The following CDH4 variants were observed in gnomAD, a reference collection of about 807,000 sequenced individuals.
CDH4 encodes the protein cadherin 4.
CDH4 carries 33 observed loss-of-function variants against 86.0 expected under a neutral mutation model. The observed-to-expected ratio is 0.38, with a 90% CI of 0.29 to 0.51. The LOEUF is 0.51. Ranked by LOEUF, CDH4 falls within the 20% of genes least tolerant of loss-of-function variation. The pLI is 0.86. For synonymous variants in CDH4, 555 were observed against 549.4 expected, an observed-to-expected ratio of 1.01 and a Z score of -0.14; for missense variants, 1,114 against 1,307.4, an observed-to-expected ratio of 0.85 and a Z score of 2.28.
intron 2 of CDH4, among the ~76,000 whole-genome samples, chr20:61,490,291 G>A (rs1235453311): frequency 6.6e-6 from 1 of 152,200 alleles, no homozygotes; most frequent in Non-Finnish European, 1.5e-5. Context: ...GCCTGCTAGG[G>A]TGTGCAGCCA....
chr20:61,521,394 G>C (rs1336957367), intron 2 of CDH4, among the ~76,000 whole-genome samples: 1 of 152,176 alleles, frequency 6.6e-6, no homozygotes, highest in East Asian at 1.9e-4. Context: ...GAGTTTGTAG[G>C]GATCGTAAGA....
intron 2 of CDH4, among the ~76,000 whole-genome samples, chr20:61,281,199 C>T (rs1568779846): frequency 6.6e-6 from 1 of 152,112 alleles, no homozygotes; most frequent in African/African-American, 2.4e-5. Flanking sequence ...CACCAAGGGC[C>T]GTGGTCTCAA....
intron 2 of CDH4, among the ~76,000 whole-genome samples, chr20:61,469,303 A>G (rs1221118647): frequency 6.6e-6 from 1 of 152,194 alleles, no homozygotes; most frequent in Non-Finnish European, 1.5e-5. Context: ...CATTTCTGTG[A>G]TGAGCAGTGA....
intron 2 of CDH4, among the ~76,000 whole-genome samples, chr20:61,368,300 ACATTTG>A (rs2084821902): frequency 6.6e-6 from 1 of 152,184 alleles, no homozygotes; most frequent in African/African-American, 2.4e-5. Flanking sequence ...CCAAGGTGGG[ACATTTG>A]GGAAGTGATC....
chr20:61,759,975 C>A (rs1307641005), intron 3 of CDH4, among the ~76,000 whole-genome samples: 3 of 152,226 alleles, frequency 2.0e-5, no homozygotes, highest in Non-Finnish European at 4.4e-5. Context: ...ACCGAGGTCA[C>A]AAGCTCGGTA....
intron 2 of CDH4, among the ~76,000 whole-genome samples, chr20:61,621,386 C>T (rs575934819): frequency 1.9e-4 from 29 of 152,314 alleles, no homozygotes; most frequent in South Asian, 8.3e-4. Flanking sequence ...TCTATTGAAA[C>T]ATTTCAGTTA....
At chr20:61,665,807 G>A (rs2087317185) in intron 2 of CDH4, among the ~76,000 whole-genome samples, 1 of 152,218 alleles carries the variant, frequency 6.6e-6, no homozygotes, top group Non-Finnish European at 1.5e-5. Flanking sequence ...TGCATGCACA[G>A]CGTACACGGT....
Position 61,741,099 on chromosome 20 carries a change from C to T in CDH4, c.170-2464C>T, listed in dbSNP as rs2088326815. Among the ~76,000 whole-genome samples, 3 of 152,304 alleles carry T rather than the reference C, an allele frequency of 2.0e-5. No individual in the cohort carries two copies. The South Asian group carries it at 6.2e-4, about 32-fold the overall frequency. On this transcript the variant is annotated intron_variant, in intron 2 of 15. Transcript: ENST00000614565. ...TGGTGCACGCCTGTAGTCCCAGCTA[C>T]TTGGGAGGCTGAGGCAGAAGAATTA... is the stretch of plus-strand genomic sequence containing the variant.
intron 2 of CDH4, among the ~76,000 whole-genome samples, chr20:61,355,080 T>G (rs1291232928): frequency 6.6e-6 from 1 of 152,116 alleles, no homozygotes; most frequent in African/African-American, 2.4e-5. Context: ...ACTGTGGGAA[T>G]AAAATTCCTC....
In CDH4 at chr20:61,934,227, G is replaced by A. The variant is rs2055151329; in HGVS notation, c.2544+7G>A. ...CGGTGACTTCATCAATGAGGTGTGTGCCTCTCGGCAGTGGGGGGCCCGGGC... is the reference window on the plus strand; with the variant it reads ...CGGTGACTTCATCAATGAGGTGTGTACCTCTCGGCAGTGGGGGGCCCGGGC... On this transcript the variant is annotated splice_region_variant and intron_variant, in intron 15 of 15. Transcript: ENST00000614565. 1.3e-6 allele frequency: 2 copies of A among 1,530,786 alleles called. No homozygotes were observed. Among genetic ancestry groups the A allele is most frequent in the African/African-American group, 1.4e-5 (1 of 72,036 alleles). The allele number at this position is 1,530,786 out of a possible 1,614,324, so 94.8% of individuals were successfully genotyped here.
intron 2 of CDH4, among the ~76,000 whole-genome samples, chr20:61,398,990 A>T (rs1411675205): frequency 6.6e-6 from 1 of 152,144 alleles, no homozygotes; most frequent in African/African-American, 2.4e-5. Context: ...TTAAATGCTG[A>T]TGTGGGTTAA....
At chr20:61,920,978 C>T (rs1280231651) in intron 9 of CDH4, among the ~76,000 whole-genome samples, 4 of 130,522 alleles carry the variant, frequency 3.1e-5, no homozygotes, top group Non-Finnish European at 4.7e-5. Context: ...ATGGTGATTG[C>T]GTGGAAGTGT....
chr20:61,855,674 C>T (rs1351985449), intron 6 of CDH4, among the ~76,000 whole-genome samples: 2 of 152,238 alleles, frequency 1.3e-5, no homozygotes, highest in Admixed American at 6.5e-5. Context: ...TGGCTTTGCT[C>T]ATTAGGATAA....
intron 4 of CDH4, among the ~76,000 whole-genome samples, chr20:61,838,159 T>TGTCTCCCC (rs1312336955): frequency 6.6e-6 from 1 of 151,862 alleles, no homozygotes; most frequent in Non-Finnish European, 1.5e-5. Context: ...CCTGTCTGCC[T>TGTCTCCCC]GTCTGCCTGT....
At chr20:61,448,513 G>A (rs2085364303) in intron 2 of CDH4, among the ~76,000 whole-genome samples, 1 of 152,078 alleles carries the variant, frequency 6.6e-6, no homozygotes, top group South Asian at 2.1e-4. Flanking sequence ...CATTTGTGTT[G>A]GGGGTTTTGT....
In CDH4 at chr20:61,743,735, C is replaced by G. The variant is rs776377387; in HGVS notation, c.342C>G (p.Asp114Glu). 3 of 1,610,836 alleles carry G rather than the reference C, an allele frequency of 1.9e-6. No homozygotes were observed. In the Admixed American group the frequency reaches 5.0e-5, roughly 27 times the overall value. ...ACAGCCAGACAGCAGAGAAATGGGA[C>G]GCCGTGGTGCGGTTGCTGGTGGCCC... ...AWDSQTAEKW[D>E]AVVRLLVAQT... is the part of the protein sequence containing the mutation. Residue 114 changes from aspartate (D) to glutamate (E), a missense_variant, in exon 3 of 16, where the codon GAC becomes GAG. By Grantham distance (45) the Asp-to-Glu change is conservative. This residue lies in a region of CDH4 where 221 missense variants were observed against 209.5 expected (regional missense o/e 1.05). Transcript: ENST00000614565.
Position 61,681,623 on chromosome 20 carries a change from T to A in CDH4, c.170-61940T>A, listed in dbSNP as rs994390652. Reference sequence around the variant, plus strand: ...GCTGGGAGGAGTCTCAGGATCCCCCTGCAGGAAGCCCGGAATCCCTTCCAC... The same window carrying A: ...GCTGGGAGGAGTCTCAGGATCCCCCAGCAGGAAGCCCGGAATCCCTTCCAC... On this transcript the variant is annotated intron_variant, in intron 2 of 15. Transcript: ENST00000614565. The surrounding 1 kb of genome is among the most constrained non-coding windows in gnomAD (Gnocchi z 4.5). Among the ~76,000 whole-genome samples the A allele has an allele frequency of 4.6e-5, 7 of 152,156 alleles. No homozygotes were observed. The highest frequency in any genetic ancestry group is 9.7e-5 in the African/African-American group (4 of 41,436).
At chr20:61,416,824 T>G (rs2085149739) in intron 2 of CDH4, among the ~76,000 whole-genome samples, 1 of 152,244 alleles carries the variant, frequency 6.6e-6, no homozygotes. Flanking sequence ...AGTGTGATTT[T>G]AGGGCCTGCA....
chr20:61,524,705 G>A (rs1405880672), intron 2 of CDH4, among the ~76,000 whole-genome samples: 6 of 152,078 alleles, frequency 3.9e-5, no homozygotes, highest in Admixed American at 3.3e-4. Context: ...GGCTGGTCTC[G>A]AACTCCTGAG....
Sources: gnomAD v4.1 joint callset for allele counts (sites outside exome capture counted in the v4.1 genomes callset) on GRCh38, gnomAD v4.1.1 for gene constraint, gnomAD v4.1.1 regional missense constraint, Gnocchi (gnomAD v3.1) non-coding constraint, MANE v1.5 for transcripts, NCBI Gene and HGNC (gene_info 2026-07-23, HGNC 2026-07-21) for gene names.